The following NOTCH1 variants were observed in gnomAD, a reference collection of about 807,000 sequenced individuals.
NOTCH1 encodes neurogenic locus notch homolog protein 1.
A neutral mutation model predicts 254.8 loss-of-function variants in NOTCH1; 37 were observed. The observed-to-expected ratio is 0.15, with a 90% CI of 0.11 to 0.19. NOTCH1 has a LOEUF of 0.19. Among genes scored for constraint, NOTCH1 ranks in the 10% least tolerant of loss-of-function variants. The pLI, the probability that NOTCH1 is intolerant of heterozygous loss-of-function variation, is 1.00. For missense variants in NOTCH1, 2,972 were observed against 3,708.6 expected, an observed-to-expected ratio of 0.80 and a Z score of 5.16; for synonymous variants, 1,731 against 1,618.1, an observed-to-expected ratio of 1.07 and a Z score of -1.68.
chr9:136,507,184 C>T, intron 22 of NOTCH1, 121 bp downstream of exon 22: 1 of 1,566,182 alleles, frequency 6.4e-7, no homozygotes, highest in African/African-American at 1.4e-5. Flanking sequence ...CTTGGCCTCA[C>T]ACAGGAAAAT....
At chr9:136,499,284 C>G (rs748871180) in intron 31 of NOTCH1, 25 bp from the exon 32 acceptor site, 1 of 1,610,594 alleles carries the variant, frequency 6.2e-7, no homozygotes, top group Middle Eastern at 1.7e-4. Context: ...GAGGCTCAGG[C>G]GGGTGCTGGG....
At chr9:136,522,370 C>A (rs914138006) in intron 4 of NOTCH1, among the ~76,000 whole-genome samples, 3 of 152,214 alleles carry the variant, frequency 2.0e-5, no homozygotes, top group African/African-American at 4.8e-5. Flanking sequence ...CTACGTACAA[C>A]ACGGGGATCG....
chr9:136,528,441 A>ATGGGCAGGGACAGT (rs1843506487), intron 2 of NOTCH1, among the ~76,000 whole-genome samples: 3 of 2,322 alleles, frequency 1.3e-3, no homozygotes, highest in Non-Finnish European at 3.2e-3. Context: ...AGGGACGGTG[A>ATGGGCAGGGACAGT]GGGGGGGATG....
At chr9:136,508,187 A>C (rs1273709067) in intron 20 of NOTCH1, 45 bp downstream of exon 20, 2 of 1,608,756 alleles carry the variant, frequency 1.2e-6, no homozygotes, top group East Asian at 2.2e-5. Context: ...CCCACAGAGG[A>C]CCTTGATGGG....
Position 136,513,109 on chromosome 9 carries a change from G to C in NOTCH1, c.2379C>G (p.Asn793Lys). Residue 793 changes from asparagine (N) to lysine (K), a missense_variant, in exon 15 of 34, where the codon AAC (asparagine) becomes AAG (lysine). By Grantham distance (94) the Asn-to-Lys change is moderately conservative. Coordinates refer to ENST00000651671, the MANE Select transcript of NOTCH1 (RefSeq NM_017617.5). This position sits in a 1 kb window ranked among gnomAD's most constrained non-coding sequence, Gnocchi z 4.7. Reference protein sequence around the residue: ...FSGPNCQTNINECASNPCLNQ... With the variant: ...FSGPNCQTNIKECASNPCLNQ... ...TCAGACATGGGTTGGACGCACACTCGTTGATGTTGGTCTGGCAGTTGGGAC... is the reference window on the plus strand; with the variant it reads ...TCAGACATGGGTTGGACGCACACTCCTTGATGTTGGTCTGGCAGTTGGGAC... 1 of 1,612,738 alleles carries C rather than the reference G, an allele frequency of 6.2e-7. No homozygotes were observed. Among genetic ancestry groups the C allele is most frequent in the Non-Finnish European group, 8.5e-7 (1 of 1,179,848 alleles).
chr9:136,522,267 A>T (rs55801646), intron 4 of NOTCH1, among the ~76,000 whole-genome samples: 5 of 152,090 alleles, frequency 3.3e-5, no homozygotes, highest in Non-Finnish European at 1.5e-5. Context: ...GTGAGCCACC[A>T]CGCGCGGCCG....
intron 4 of NOTCH1, among the ~76,000 whole-genome samples, chr9:136,520,585 G>A (rs933445594): frequency 1.3e-5 from 2 of 152,082 alleles, no homozygotes; most frequent in African/African-American, 4.8e-5. Context: ...AAAAATACAA[G>A]AAGTAGCAAA....
In NOTCH1 at chr9:136,498,946, C is replaced by T. The variant is rs2133321684; in HGVS notation, c.6133G>A (p.Val2045Ile). The T allele has an allele frequency of 3.1e-6, 5 of 1,613,708 alleles. No individual in the cohort carries two copies. The South Asian group carries it at 4.4e-5, about 14-fold the overall frequency. ...AAAVNNVDAA[V>I]VLLKNGANKD... ...TTAGCCCCGTTCTTCAGGAGCACAA[C>T]TGCGGCATCCACATTGTTCACGGCG... Residue 2045 changes from valine to isoleucine, a missense_variant, in exon 33 of 34, where the codon GTT becomes ATT. Transcript: ENST00000651671.
At chr9:136,528,395 G>C (rs1171151759) in intron 2 of NOTCH1, among the ~76,000 whole-genome samples, 5 of 105,096 alleles carry the variant, frequency 4.8e-5, no homozygotes, top group African/African-American at 1.5e-4. Context: ...GGGACAGTGG[G>C]GGGGGATGGG....
chr9:136,521,477 C>G (rs1360150454), intron 4 of NOTCH1, among the ~76,000 whole-genome samples: 2 of 152,156 alleles, frequency 1.3e-5, no homozygotes, highest in Admixed American at 6.5e-5. Context: ...CTGCCCAAGG[C>G]GGGTGGGCAT....
In NOTCH1 at chr9:136,501,729, T is replaced by G; in HGVS notation, c.5638+19A>C. 1.2e-6 allele frequency: 2 copies of G among 1,609,608 alleles called. No homozygotes were observed. Among genetic ancestry groups the G allele is most frequent in the Non-Finnish European group, 1.7e-6 (2 of 1,179,630 alleles). The stretch of plus-strand genomic sequence containing the variant: ...GTGGGCCACGGGGCTAGGGAAGCCC[T>G]GGCTGCTGGCACCCTTACCAGGCCC... On this transcript the variant is annotated intron_variant, in intron 30 of 33. Coordinates refer to ENST00000651671, the MANE Select transcript of NOTCH1 (RefSeq NM_017617.5).
rs958633726 is a variant in NOTCH1, at chr9:136,498,954, T to C, written c.6125A>G (p.Asp2042Gly). ...LHWAAAVNNVDAAVVLLKNGA... is the reference protein window; with the variant it reads ...LHWAAAVNNVGAAVVLLKNGA... ...GTTCTTCAGGAGCACAACTGCGGCA[T>C]CCACATTGTTCACGGCGGCGGCCCA... The change falls in exon 33 of 34, where the codon GAT becomes GGT. Residue 2042 changes from aspartate (D) to glycine (G), a missense_variant. Around this residue, in one of 8 missense-constraint regions of NOTCH1, gnomAD observed 421 missense variants for 604.4 expected, o/e 0.70. Coordinates refer to ENST00000651671, the MANE Select transcript of NOTCH1 (RefSeq NM_017617.5). 1.9e-6 allele frequency: 3 copies of C among 1,613,594 alleles called. No homozygotes were observed. The highest frequency in any genetic ancestry group is 2.7e-5 in the African/African-American group (2 of 74,942).
intron 6 of NOTCH1, 24 bp from the exon 7 acceptor site, chr9:136,518,316 G>A: frequency 6.2e-7 from 1 of 1,602,124 alleles, no homozygotes; most frequent in Non-Finnish European, 8.5e-7. Flanking sequence ...GGCGGTCAGT[G>A]GGCACGGCCC....
At chr9:136,501,691 G>C (rs1842997251) in intron 30 of NOTCH1, 57 bp downstream of exon 30, 37 of 1,594,744 alleles carry the variant, frequency 2.3e-5, no homozygotes, top group Non-Finnish European at 3.2e-5. Context: ...CGGGGCTTAG[G>C]GGAGAGAGGC....
intron 15 of NOTCH1, among the ~76,000 whole-genome samples, chr9:136,512,467 T>C (rs1333174968): frequency 2.6e-5 from 4 of 152,192 alleles, no homozygotes; most frequent in Admixed American, 1.3e-4. Flanking sequence ...GCTGGGTTCA[T>C]AGCAGGGGCT....
intron 13 of NOTCH1, 27 bp downstream of exon 13, chr9:136,514,483 G>A (rs2133360238): frequency 4.5e-6 from 7 of 1,548,622 alleles, no homozygotes; most frequent in Non-Finnish European, 6.1e-6. Context: ...GGACTGATGT[G>A]TCCCCATGAT....
In NOTCH1 at chr9:136,522,271, G is replaced by A. The variant is rs371772050; in HGVS notation, c.742+579C>T. ...GGAGTACAGGCGTGAGCCACCACGC[G>A]CGGCCGAGACTGGAGGTTTTCAAAA... On this transcript the variant is annotated intron_variant, in intron 4 of 33. Coordinates refer to ENST00000651671, the MANE Select transcript of NOTCH1 (RefSeq NM_017617.5). Among the ~76,000 whole-genome samples, 36 of 152,252 alleles carry A rather than the reference G, an allele frequency of 2.4e-4. No homozygotes were observed. The East Asian group carries it at 3.3e-3, about 14-fold the overall frequency.
chr9:136,518,368 C>A (rs2133370128), intron 6 of NOTCH1, 76 bp from the exon 7 acceptor site: 1 of 1,530,044 alleles, frequency 6.5e-7, no homozygotes, highest in Non-Finnish European at 8.8e-7. Context: ...GGGGTCCAAC[C>A]CCACTGACAC....
chr9:136,514,419 A>G, intron 13 of NOTCH1, 91 bp downstream of exon 13: 1 of 1,409,304 alleles, frequency 7.1e-7, no homozygotes, highest in Non-Finnish European at 9.7e-7. Flanking sequence ...TTTCTGGCCC[A>G]TCTCAAGCTC....
Sources: gnomAD v4.1 joint callset for allele counts (sites outside exome capture counted in the v4.1 genomes callset) on GRCh38, gnomAD v4.1.1 for gene constraint, gnomAD v4.1.1 regional missense constraint, Gnocchi (gnomAD v3.1) non-coding constraint, MANE v1.5 for transcripts, NCBI Gene and HGNC (gene_info 2026-07-23, HGNC 2026-07-21) for gene names.